PCSK2: variants seen among roughly 807,000 people sequenced by gnomAD.
The protein encoded by PCSK2 is neuroendocrine convertase 2.
A neutral mutation model predicts 69.7 loss-of-function variants in PCSK2; 14 were observed. That is an observed-to-expected ratio of 0.20 (90% CI 0.13 to 0.31). The LOEUF (loss-of-function observed/expected upper bound fraction) is 0.31. Ranked by LOEUF, PCSK2 falls within the 10% of genes least tolerant of loss-of-function variation. PCSK2 has a pLI of 1.00. For synonymous variants in PCSK2, 307 were observed against 320.7 expected (o/e 0.96, Z 0.46); for missense variants, 544 against 842.5 (o/e 0.65, Z 4.39).
At chr20:17,403,138 C>A (rs776515891) in intron 5 of PCSK2, among the ~76,000 whole-genome samples, 1 of 152,148 alleles carries the variant, frequency 6.6e-6, no homozygotes, top group Non-Finnish European at 1.5e-5. Flanking sequence ...TGTGTCAAAT[C>A]CACAATGGGA....
chr20:17,392,864 A>C (rs944069665), intron 5 of PCSK2, among the ~76,000 whole-genome samples: 4 of 151,884 alleles, frequency 2.6e-5, no homozygotes, highest in African/African-American at 9.7e-5. Context: ...GACGATTATA[A>C]ATAAAATCGT....
intron 2 of PCSK2, among the ~76,000 whole-genome samples, chr20:17,326,949 C>T (rs1990073131): frequency 6.6e-6 from 1 of 152,164 alleles, no homozygotes; most frequent in Non-Finnish European, 1.5e-5. Flanking sequence ...CTTTGGGCTC[C>T]TTCCAGCCTC....
At chr20:17,433,784 T>TG (rs2032416362) in intron 7 of PCSK2, among the ~76,000 whole-genome samples, 2 of 137,584 alleles carry the variant, frequency 1.5e-5, no homozygotes, top group Non-Finnish European at 3.1e-5. Flanking sequence ...GCTCCTTTGA[T>TG]TTCTCTCTCT....
At chr20:17,287,371 C>T (rs1267701653) in intron 2 of PCSK2, among the ~76,000 whole-genome samples, 1 of 150,100 alleles carries the variant, frequency 6.7e-6, no homozygotes, top group Non-Finnish European at 1.5e-5. Flanking sequence ...AAAATACTTG[C>T]AAATATTTAT....
intron 5 of PCSK2, among the ~76,000 whole-genome samples, chr20:17,397,173 A>G (rs934010): frequency 1.3e-5 from 2 of 152,040 alleles, no homozygotes; most frequent in Non-Finnish European, 2.9e-5. Context: ...GAAAACATAC[A>G]TTGTTTCTTT....
chr20:17,269,676 C>G (rs1477444905), intron 2 of PCSK2, among the ~76,000 whole-genome samples: 1 of 152,096 alleles, frequency 6.6e-6, no homozygotes, highest in African/African-American at 2.4e-5. Flanking sequence ...GAGAATCTAG[C>G]TCTTAAACCT....
At position 17,453,437 on chromosome 20, in the gene PCSK2, C is replaced by T. The variant is rs76592832; in HGVS notation, c.886-305C>T. Among the ~76,000 whole-genome samples the T allele has an allele frequency of 0.035, 5,370 of 152,258 alleles. 283 individuals are homozygous for T. Among genetic ancestry groups the T allele is most frequent in the East Asian group, 0.2 (1,018 of 5,184 alleles). On this transcript the variant is annotated intron_variant, in intron 8 of 11. Transcript: ENST00000262545. The surrounding 1 kb of genome is among the most constrained non-coding windows in gnomAD (Gnocchi z 4.0). ...ACTTTTCATTGTGAGCATGTACCAC[C>T]TTTCTAGCTTTTTTAAAAAGCAGTT...
chr20:17,456,201 A>G, intron 9 of PCSK2, 147 bp from the exon 10 acceptor site: 1 of 585,988 alleles, frequency 1.7e-6, no homozygotes. Flanking sequence ...AGATCATGCC[A>G]CTGCACTCCA....
At chr20:17,256,483 G>T (rs1316085099) in intron 1 of PCSK2, among the ~76,000 whole-genome samples, 1 of 151,948 alleles carries the variant, frequency 6.6e-6, no homozygotes, top group Non-Finnish European at 1.5e-5. Flanking sequence ...AATTTTTCTT[G>T]AAAATTTGAC....
intron 8 of PCSK2, among the ~76,000 whole-genome samples, chr20:17,437,580 C>T (rs867397147): frequency 6.6e-6 from 1 of 152,126 alleles, no homozygotes; most frequent in Non-Finnish European, 1.5e-5. Context: ...GACTTAGCCT[C>T]GCCTGTAAAA....
At position 17,307,696 on chromosome 20, in the gene PCSK2, G is replaced by C. The variant is rs368911791; in HGVS notation, c.282+47352G>C. 3.3e-5 allele frequency among the ~76,000 whole-genome samples: 5 copies of C among 152,190 alleles called. No homozygotes were observed. In the East Asian group the frequency reaches 5.8e-4, roughly 18 times the overall value. ...GCTCTGGGGATACAACATACTCCCT[G>C]ATTTCATAGAGTTTACATTCTCTAT... is the stretch of plus-strand genomic sequence containing the variant. On this transcript the variant is annotated intron_variant, in intron 2 of 11. Coordinates refer to ENST00000262545, the MANE Select transcript of PCSK2 (RefSeq NM_002594.5).
intron 2 of PCSK2, among the ~76,000 whole-genome samples, chr20:17,288,953 C>A (rs769338330): frequency 1.3e-5 from 2 of 152,180 alleles, no homozygotes; most frequent in Admixed American, 6.5e-5. Context: ...AAAAGGCTAT[C>A]CGCAAAGGAA....
At chr20:17,408,598 T>C (rs1600556011) in intron 5 of PCSK2, among the ~76,000 whole-genome samples, 1 of 152,222 alleles carries the variant, frequency 6.6e-6, no homozygotes, top group Non-Finnish European at 1.5e-5. Context: ...GATCTTTCGA[T>C]TGATGTCTGT....
At chr20:17,394,781 G>A (rs891991858) in intron 5 of PCSK2, among the ~76,000 whole-genome samples, 7 of 152,214 alleles carry the variant, frequency 4.6e-5, no homozygotes, top group African/African-American at 1.7e-4. Flanking sequence ...AATAAGGTAT[G>A]TGCCCAGCTT....
At chr20:17,452,888 G>A (rs1054837880) in intron 8 of PCSK2, among the ~76,000 whole-genome samples, 2 of 152,220 alleles carry the variant, frequency 1.3e-5, no homozygotes, top group Non-Finnish European at 2.9e-5. Flanking sequence ...AACATGGTTT[G>A]AGGAGAAGAG....
intron 1 of PCSK2, among the ~76,000 whole-genome samples, chr20:17,250,523 T>C (rs1339660198): frequency 6.6e-6 from 1 of 152,220 alleles, no homozygotes; most frequent in African/African-American, 2.4e-5. Flanking sequence ...CCATTGTTTA[T>C]TATTGTATCT....
intron 5 of PCSK2, among the ~76,000 whole-genome samples, chr20:17,385,038 G>T (rs1204681024): frequency 1.3e-5 from 2 of 152,172 alleles, no homozygotes; most frequent in Non-Finnish European, 2.9e-5. Context: ...CTGGCCACCT[G>T]TTTTTGTAAA....
chr20:17,248,160 G>A (rs1316782186), intron 1 of PCSK2, among the ~76,000 whole-genome samples: 1 of 144,326 alleles, frequency 6.9e-6, no homozygotes, highest in African/African-American at 2.6e-5. Flanking sequence ...AGAACAAAGT[G>A]ATGATATAAA....
At chr20:17,261,600 A>G (rs1987388603) in intron 2 of PCSK2, among the ~76,000 whole-genome samples, 1 of 152,226 alleles carries the variant, frequency 6.6e-6, no homozygotes, top group Non-Finnish European at 1.5e-5. Context: ...AGGATCTGTC[A>G]TAGAAGCCGG....
Sources: gnomAD v4.1 joint callset for allele counts (sites outside exome capture counted in the v4.1 genomes callset) on GRCh38, gnomAD v4.1.1 for gene constraint, Gnocchi (gnomAD v3.1) non-coding constraint, MANE v1.5 for transcripts, NCBI Gene and HGNC (gene_info 2026-07-23, HGNC 2026-07-21) for gene names.